EDIL3: variants seen among roughly 807,000 people sequenced by gnomAD.
The protein encoded by EDIL3 is EGF-like repeat and discoidin I-like domain-containing protein 3.
EDIL3 carries 37 observed loss-of-function variants against 67.4 expected under a neutral mutation model. That is an observed-to-expected ratio of 0.55 (90% CI 0.42 to 0.72). EDIL3 has a LOEUF of 0.72. EDIL3 is among the 30% of genes least tolerant of loss of function. EDIL3 has a pLI of 0.00. For synonymous variants in EDIL3, 195 were observed against 196.3 expected, an observed-to-expected ratio of 0.99 and a Z score of 0.05; for missense variants, 527 against 586.3, an observed-to-expected ratio of 0.90 and a Z score of 1.04.
intron 4 of EDIL3, among the ~76,000 whole-genome samples, chr5:84,166,135 T>C (rs1424045878): frequency 6.6e-6 from 1 of 152,134 alleles, no homozygotes; most frequent in Non-Finnish European, 1.5e-5. Context: ...ATTATTTGTT[T>C]AGCAATCTTT....
At chr5:84,055,985 A>T (rs1455146186) in intron 9 of EDIL3, among the ~76,000 whole-genome samples, 2 of 152,240 alleles carry the variant, frequency 1.3e-5, no homozygotes, top group Non-Finnish European at 2.9e-5. Flanking sequence ...AATATAAATC[A>T]TGCTGCTATA....
chr5:84,372,867 A>G (rs982561604), intron 1 of EDIL3, among the ~76,000 whole-genome samples: 5 of 152,306 alleles, frequency 3.3e-5, no homozygotes, highest in Admixed American at 3.3e-4. Context: ...TTAAGATTGT[A>G]ATGTGTCAAA....
intron 1 of EDIL3, among the ~76,000 whole-genome samples, chr5:84,334,222 C>T (rs776604106): frequency 1.1e-4 from 16 of 151,940 alleles, no homozygotes; most frequent in South Asian, 4.2e-4. Flanking sequence ...CCACCACACG[C>T]GCCTAATTTT....
intron 9 of EDIL3, among the ~76,000 whole-genome samples, chr5:83,966,768 G>A (rs1176370180): frequency 6.6e-6 from 1 of 151,988 alleles, no homozygotes; most frequent in African/African-American, 2.4e-5. Flanking sequence ...TATATAGTAA[G>A]TACTATGGAA....
At chr5:84,277,203 G>T (rs1233049275) in intron 1 of EDIL3, among the ~76,000 whole-genome samples, 1 of 152,068 alleles carries the variant, frequency 6.6e-6, no homozygotes, top group African/African-American at 2.4e-5. Flanking sequence ...CCCCCAAGGC[G>T]ATGGTATTAA....
At position 84,032,820 on chromosome 5, in the gene EDIL3, C is replaced by T. The variant is rs74641514; in HGVS notation, c.1137+27480G>A. 3.7e-3 allele frequency among the ~76,000 whole-genome samples: 560 copies of T among 152,194 alleles called. 2 individuals carry two copies. The highest frequency in any genetic ancestry group is 6.3e-3 in the Non-Finnish European group (425 of 67,996). Reference sequence around the variant, plus strand: ...TGCTACCAATATTTGGCAATATTTGCCAATATGCTGTTATGTTTCTCCCAT... The same window carrying T: ...TGCTACCAATATTTGGCAATATTTGTCAATATGCTGTTATGTTTCTCCCAT... On this transcript the variant is annotated intron_variant, in intron 9 of 10. Transcript: ENST00000296591.
chr5:83,951,303 G>A (rs1157211801), intron 10 of EDIL3, among the ~76,000 whole-genome samples: 1 of 151,536 alleles, frequency 6.6e-6, no homozygotes, highest in Non-Finnish European at 1.5e-5. Flanking sequence ...GCTTTCTATT[G>A]TAACTATGTA....
At chr5:83,948,203 TA>T (rs1361869076) in intron 10 of EDIL3, among the ~76,000 whole-genome samples, 1 of 151,804 alleles carries the variant, frequency 6.6e-6, no homozygotes, top group African/African-American at 2.4e-5. Context: ...TTTTTACTTG[TA>T]TCTGTTTTAT....
intron 1 of EDIL3, among the ~76,000 whole-genome samples, chr5:84,264,567 A>C (rs1190717266): frequency 6.6e-6 from 1 of 152,170 alleles, no homozygotes; most frequent in Non-Finnish European, 1.5e-5. Flanking sequence ...GTCGACAGCA[A>C]AGGAGTGACA....
At chr5:83,999,565 G>C (rs976284032) in intron 9 of EDIL3, among the ~76,000 whole-genome samples, 31 of 152,048 alleles carry the variant, frequency 2.0e-4, no homozygotes, top group African/African-American at 7.5e-4. Flanking sequence ...TAGTGAACTT[G>C]AAGACAGGCT....
At chr5:84,176,244 ATATAT>A (rs1400653131) in intron 4 of EDIL3, among the ~76,000 whole-genome samples, 8 of 139,984 alleles carry the variant, frequency 5.7e-5, no homozygotes, top group African/African-American at 1.8e-4. Context: ...TGTATGTATA[ATATAT>A]TGTATATATA....
At chr5:84,317,363 G>T (rs749880402) in intron 1 of EDIL3, among the ~76,000 whole-genome samples, 1 of 151,998 alleles carries the variant, frequency 6.6e-6, no homozygotes, top group Non-Finnish European at 1.5e-5. Flanking sequence ...TAGACTGCTA[G>T]CAAGACTAAT....
chr5:84,340,052 T>C (rs1464836801), intron 1 of EDIL3, among the ~76,000 whole-genome samples: 6 of 152,070 alleles, frequency 3.9e-5, no homozygotes, highest in African/African-American at 1.4e-4. Flanking sequence ...TATAACATTC[T>C]AGACTATTAG....
At chr5:84,280,014 T>G (rs1745664428) in intron 1 of EDIL3, among the ~76,000 whole-genome samples, 1 of 152,222 alleles carries the variant, frequency 6.6e-6, no homozygotes, top group African/African-American at 2.4e-5. Context: ...TGCTTTATGG[T>G]GCTTGACACT....
chr5:84,120,346 C>G (rs1000280801), intron 5 of EDIL3, among the ~76,000 whole-genome samples: 3 of 152,000 alleles, frequency 2.0e-5, no homozygotes, highest in Non-Finnish European at 4.4e-5. Flanking sequence ...TTGCATCTTC[C>G]TTCTCCAGTC....
At chr5:84,264,224 C>A (rs751171530) in intron 1 of EDIL3, among the ~76,000 whole-genome samples, 7 of 152,046 alleles carry the variant, frequency 4.6e-5, no homozygotes, top group South Asian at 2.1e-4. Context: ...CCAGCCTGGG[C>A]GGCAGAGCCA....
In EDIL3 at chr5:83,941,555, A is replaced by G. The variant is rs1477212497; in HGVS notation, c.*1864T>C. ...AACTGGCTAAAGAGTAAGTGTGTGT[A>G]TATTTCTGAACCTAAGTAATTATTT... is the stretch of plus-strand genomic sequence containing the variant. On this transcript the variant is annotated 3_prime_UTR_variant, in exon 11 of 11. Coordinates refer to ENST00000296591, the MANE Select transcript of EDIL3 (RefSeq NM_005711.5). 1 of 152,004 alleles carries G rather than the reference A, an allele frequency of 6.6e-6. No homozygotes were observed. Among genetic ancestry groups the G allele is most frequent in the Non-Finnish European group, 1.5e-5 (1 of 67,904 alleles). The allele number at this position is 152,004 out of a possible 1,614,324, so 9.4% of individuals were successfully genotyped here.
intron 4 of EDIL3, among the ~76,000 whole-genome samples, chr5:84,148,064 T>C (rs1448361437): frequency 6.6e-6 from 1 of 152,176 alleles, no homozygotes; most frequent in African/African-American, 2.4e-5. Flanking sequence ...GATTATATTA[T>C]ACTTCTAAAG....
chr5:84,320,164 T>C (rs1427731560), intron 1 of EDIL3, among the ~76,000 whole-genome samples: 2 of 151,922 alleles, frequency 1.3e-5, no homozygotes, highest in South Asian at 4.2e-4. Flanking sequence ...AAAAAAAGAA[T>C]ACTGCACACC....
Sources: gnomAD v4.1 joint callset for allele counts (sites outside exome capture counted in the v4.1 genomes callset) on GRCh38, gnomAD v4.1.1 for gene constraint, MANE v1.5 for transcripts, NCBI Gene and HGNC (gene_info 2026-07-23, HGNC 2026-07-21) for gene names.